Variants in DCN observed in about 807,000 individuals in gnomAD.
DCN encodes the protein bone proteoglycan II.
DCN carries 17 observed loss-of-function variants against 36.5 expected under a neutral mutation model. The observed-to-expected ratio is 0.47, with a 90% CI of 0.32 to 0.70. The LOEUF (loss-of-function observed/expected upper bound fraction) is 0.70, where lower values mean the gene tolerates loss of function less well. Among genes scored for constraint, DCN ranks in the 30% least tolerant of loss-of-function variants. The pLI, the probability that DCN is intolerant of heterozygous loss-of-function variation, is 0.04. For missense variants in DCN, 389 were observed against 430.1 expected (o/e 0.90, Z 0.84); for synonymous variants, 163 against 161.4 (o/e 1.01, Z -0.07).
chr12:91,177,578 A>T (rs1883369264), intron 2 of DCN: 1 of 702,212 alleles, frequency 1.4e-6, no homozygotes, highest in African/African-American at 1.7e-5. Flanking sequence ...CTTTCTGGAG[A>T]TTTATCTTCT....
rs767628814 is a variant in DCN, at chr12:91,178,409, G to A, written c.144C>T (p.Pro48=). 1.9e-6 allele frequency: 3 copies of A among 1,613,982 alleles called. No individual in the cohort carries two copies. Among genetic ancestry groups the A allele is most frequent in the Non-Finnish European group, 2.5e-6 (3 of 1,179,986 alleles). The change falls in exon 2 of 8, where the codon CCC becomes CCT. Residue 48 remains proline (P), a synonymous_variant. Transcript: ENST00000052754. The part of the protein sequence containing the change: ...PEVPDDRDFE[P]SLGPVCPFRC... ...GGAAGGGGCACACTGGGCCTAGGGA[G>A]GGCTCGAAGTCGCGGTCATCAGGAA...
In DCN at chr12:91,158,451, A is replaced by G; in HGVS notation, c.383T>C (p.Leu128Ser). Residue 128 changes from leucine to serine, a missense_variant, in exon 4 of 8, where the codon TTG (leucine) becomes TCG (serine). By Grantham distance (145) the Leu-to-Ser change is moderately radical. Coordinates refer to ENST00000052754, the MANE Select transcript of DCN (RefSeq NM_001920.5). Reference sequence around the variant, plus strand: ...CAGATAAAGTCGTTCCAACTTCACCAAAGGTGTAAATGCTCCAGGACTAAC... The same window carrying G: ...CAGATAAAGTCGTTCCAACTTCACCGAAGGTGTAAATGCTCCAGGACTAAC... ...SKVSPGAFTP[L>S]VKLERLYLSK... 1 of 1,610,318 alleles carries G rather than the reference A, an allele frequency of 6.2e-7. No homozygotes were observed. Among genetic ancestry groups the G allele is most frequent in the Non-Finnish European group, 8.5e-7 (1 of 1,176,506 alleles).
At chr12:91,170,336 T>C (rs1186114550) in intron 2 of DCN, among the ~76,000 whole-genome samples, 1 of 152,286 alleles carries the variant, frequency 6.6e-6, no homozygotes, top group Middle Eastern at 3.4e-3. Context: ...TTACTATGCA[T>C]ATTATCCTAG....
intron 2 of DCN, among the ~76,000 whole-genome samples, chr12:91,170,854 C>T (rs1014170855): frequency 2.6e-5 from 4 of 152,054 alleles, no homozygotes; most frequent in African/African-American, 4.8e-5. Flanking sequence ...TTGAACTAAA[C>T]CTAATCTTCA....
At position 91,158,450 on chromosome 12, in the gene DCN, C is replaced by T; in HGVS notation, c.384G>A (p.Leu128=). 4 of 1,610,310 alleles carry T rather than the reference C, an allele frequency of 2.5e-6. No homozygotes were observed. Among genetic ancestry groups the T allele is most frequent in the Non-Finnish European group, 3.4e-6 (4 of 1,176,568 alleles). Residue 128 remains leucine, a synonymous_variant, in exon 4 of 8, where the codon TTG becomes TTA. Transcript: ENST00000052754. ...SKVSPGAFTP[L]VKLERLYLSK... is the part of the protein sequence containing the mutation. ...ACAGATAAAGTCGTTCCAACTTCAC[C>T]AAAGGTGTAAATGCTCCAGGACTAA...
At chr12:91,177,252 C>T (rs942381111) in intron 2 of DCN, 16 of 291,472 alleles carry the variant, frequency 5.5e-5, no homozygotes. Flanking sequence ...GTTTTTCAGT[C>T]GTTACTACTG....
chr12:91,151,549 GA>G lies in DCN; in HGVS notation c.885+104del, dbSNP rs759554333. The G allele has an allele frequency of 6.7e-5, 90 of 1,349,634 alleles. 1 individual carries two copies. The highest frequency in any genetic ancestry group is 8.6e-5 in the Non-Finnish European group (82 of 957,178). 83.6% of individuals were successfully genotyped at this position (1,349,634 alleles called of 1,614,324 possible). A position where few individuals can be genotyped will look rare whatever the true frequency, so the allele number is the denominator to read the frequency against. On this transcript the variant is annotated intron_variant, in intron 7 of 7. Coordinates refer to ENST00000052754, the MANE Select transcript of DCN (RefSeq NM_001920.5). ...TAGAAATTCTAACTAAGACACTCTG[GA>G]AAAAAAACTTCTAAGAAGAGCTTCC...
At chr12:91,164,275 G>A (rs1882356474) in intron 3 of DCN, among the ~76,000 whole-genome samples, 1 of 150,740 alleles carries the variant, frequency 6.6e-6, no homozygotes, top group African/African-American at 2.5e-5. Flanking sequence ...TAGATGACAC[G>A]TTAGTGGGTG....
intron 6 of DCN, among the ~76,000 whole-genome samples, chr12:91,152,093 C>T (rs2121176816): frequency 6.6e-6 from 1 of 152,188 alleles, no homozygotes; most frequent in African/African-American, 2.4e-5. Context: ...AATATTGGAA[C>T]ATAATATTCC....
chr12:91,171,174 TAGA>T (rs1882933862), intron 2 of DCN, among the ~76,000 whole-genome samples: 1 of 152,202 alleles, frequency 6.6e-6, no homozygotes, highest in East Asian at 1.9e-4. Flanking sequence ...CAATCTTAAG[TAGA>T]AGAATTAAGT....
In DCN at chr12:91,143,856, G is replaced by A. The variant is rs976007038; in HGVS notation, c.*2202C>T. 1.6e-4 allele frequency: 24 copies of A among 148,440 alleles called. No individual in the cohort carries two copies. The highest frequency in any genetic ancestry group is 5.4e-4 in the African/African-American group (22 of 40,750). 9.2% of individuals were successfully genotyped at this position (148,440 alleles called of 1,614,324 possible). A position where few individuals can be genotyped will look rare whatever the true frequency, so the allele number is the denominator to read the frequency against. On this transcript the variant is annotated 3_prime_UTR_variant, in exon 8 of 8. Coordinates refer to ENST00000052754, the MANE Select transcript of DCN (RefSeq NM_001920.5). The stretch of plus-strand genomic sequence containing the variant: ...TATATATATAAAGATATATATGTGT[G>A]TATATATATAAAGATATATATGTGT...
intron 3 of DCN, among the ~76,000 whole-genome samples, 192 bp downstream of exon 3, chr12:91,164,400 CAAAAAAAAAAAAA>C (rs5799980): frequency 3.8e-5 from 3 of 78,916 alleles, no homozygotes; most frequent in Non-Finnish European, 6.6e-5. Flanking sequence ...AAGCATAATT[CAAAAAAAAAAAAA>C]AAAAGAAAAA....
chr12:91,181,398 A>T (rs905272947), intron 1 of DCN, among the ~76,000 whole-genome samples: 1 of 152,012 alleles, frequency 6.6e-6, no homozygotes. Flanking sequence ...TCTTTCCTTA[A>T]TTAATCAGAA....
intron 5 of DCN, 47 bp downstream of exon 5, chr12:91,157,028 C>T (rs759169003): frequency 1.0e-5 from 14 of 1,348,080 alleles, no homozygotes; most frequent in Non-Finnish European, 1.4e-5. Flanking sequence ...TTAATTAAAG[C>T]CTTTGAATTT....
At position 91,158,378 on chromosome 12, in the gene DCN, A is replaced by G. The variant is rs1239200835; in HGVS notation, c.456T>C (p.Leu152=). The G allele has an allele frequency of 6.2e-7, 1 of 1,613,832 alleles. No individual in the cohort carries two copies. Residue 152 remains leucine (L), a synonymous_variant, in exon 4 of 8, where the codon CTT becomes CTC. Transcript: ENST00000052754. Reference sequence around the variant, plus strand: ...CATTCTCATGGGCACGCAGCTCCTGAAGAGTTTTGGGCATTTTTTCTGGCA... The same window carrying G: ...CATTCTCATGGGCACGCAGCTCCTGGAGAGTTTTGGGCATTTTTTCTGGCA... ...KELPEKMPKT[L]QELRAHENEI...
chr12:91,146,182 G>A lies in DCN; in HGVS notation c.956C>T (p.Thr319Ile). 6.2e-7 allele frequency: 1 copy of A among 1,613,490 alleles called. No homozygotes were observed. The change falls in exon 8 of 8, where the codon ACC becomes ATC. Residue 319 changes from threonine (T) to isoleucine (I), a missense_variant. By Grantham distance (89) the Thr-to-Ile change is moderately conservative (BLOSUM62 -1). Coordinates refer to ENST00000052754, the MANE Select transcript of DCN (RefSeq NM_001920.5). Reference protein sequence around the residue: ...SSDFCPPGHNTKKASYSGVSL... With the variant: ...SSDFCPPGHNIKKASYSGVSL... Reference sequence around the variant, plus strand: ...CACACCCGAATAAGAAGCCTTTTTGGTGTTGTGTCCAGGTGGGCAGAAGTC... The same window carrying A: ...CACACCCGAATAAGAAGCCTTTTTGATGTTGTGTCCAGGTGGGCAGAAGTC...
At chr12:91,168,291 T>G (rs1882715732) in intron 2 of DCN, among the ~76,000 whole-genome samples, 1 of 152,212 alleles carries the variant, frequency 6.6e-6, no homozygotes, top group African/African-American at 2.4e-5. Flanking sequence ...CTATTTCCAT[T>G]CTAACAATCC....
intron 1 of DCN, among the ~76,000 whole-genome samples, chr12:91,181,209 T>C (rs1311316439): frequency 3.3e-5 from 5 of 151,770 alleles, no homozygotes; most frequent in Non-Finnish European, 7.4e-5. Context: ...AGAGTGTATG[T>C]GTGTGTGTGC....
chr12:91,165,992 T>C (rs894901459), intron 2 of DCN, among the ~76,000 whole-genome samples: 2 of 152,130 alleles, frequency 1.3e-5, no homozygotes, highest in Non-Finnish European at 2.9e-5. Context: ...CACTTTTCAA[T>C]TTTGAGTTTT....
Sources: gnomAD v4.1 joint callset for allele counts (sites outside exome capture counted in the v4.1 genomes callset) on GRCh38, gnomAD v4.1.1 for gene constraint, MANE v1.5 for transcripts, NCBI Gene and HGNC (gene_info 2026-07-23, HGNC 2026-07-21) for gene names.